Variants in CNTNAP2 observed in about 807,000 individuals in gnomAD.
CNTNAP2 encodes contactin associated protein 2.
Under a neutral mutation model 155.2 loss-of-function variants are expected in CNTNAP2, and 98 were observed. The ratio of observed to expected loss-of-function variants is 0.63; its 90% CI spans 0.54 to 0.75. The LOEUF (loss-of-function observed/expected upper bound fraction) is 0.75. Among genes scored for constraint, CNTNAP2 ranks in the 30% least tolerant of loss-of-function variants. The pLI, the probability that CNTNAP2 is intolerant of heterozygous loss-of-function variation, is 0.00. For synonymous variants in CNTNAP2, 651 were observed against 631.2 expected, an observed-to-expected ratio of 1.03 and a Z score of -0.47; for missense variants, 1,727 against 1,688.1, an observed-to-expected ratio of 1.02 and a Z score of -0.40.
intron 17 of CNTNAP2, among the ~76,000 whole-genome samples, chr7:148,148,277 G>A (rs1805233229): frequency 6.6e-6 from 1 of 152,186 alleles, no homozygotes; most frequent in African/African-American, 2.4e-5. Context: ...AACTACCTAT[G>A]CAAGAAGTGG....
intron 2 of CNTNAP2, among the ~76,000 whole-genome samples, chr7:146,803,583 C>T (rs1479205101): frequency 6.6e-6 from 1 of 152,106 alleles, no homozygotes; most frequent in Non-Finnish European, 1.5e-5. Flanking sequence ...TAACCAGAAG[C>T]GATCTGTGCC....
At chr7:147,859,981 G>A (rs1027491069) in intron 13 of CNTNAP2, among the ~76,000 whole-genome samples, 1 of 152,104 alleles carries the variant, frequency 6.6e-6, no homozygotes, top group Non-Finnish European at 1.5e-5. Flanking sequence ...CGTATGGTTT[G>A]GCTCTGTGTC....
At chr7:147,967,972 G>T (rs1041094110) in intron 14 of CNTNAP2, among the ~76,000 whole-genome samples, 3 of 152,128 alleles carry the variant, frequency 2.0e-5, no homozygotes, top group East Asian at 1.9e-4. Flanking sequence ...TTGTTGTTGG[G>T]TTTTTTTCAT....
rs531565163 is a variant in CNTNAP2, at chr7:146,572,759, T to C, written c.98-201512T>C. 1.8e-3 allele frequency among the ~76,000 whole-genome samples: 250 copies of C among 139,556 alleles called. 1 individual carries two copies. The highest frequency in any genetic ancestry group is 3.4e-3 in the Non-Finnish European group (212 of 62,832). The allele number at this position is 139,556 out of a possible 152,430, so 91.6% of individuals were successfully genotyped here. A position where few individuals can be genotyped will look rare whatever the true frequency, so the allele number is the denominator to read the frequency against. ...ATAAAGGATGGCATGATTTTATGTG[T>C]TGAATTCCCCAAGATATAGTACATT... is the stretch of plus-strand genomic sequence containing the variant. On this transcript the variant is annotated intron_variant, in intron 1 of 23. Coordinates refer to ENST00000361727, the MANE Select transcript of CNTNAP2 (RefSeq NM_014141.6).
intron 21 of CNTNAP2, among the ~76,000 whole-genome samples, chr7:148,352,504 A>G (rs1798444457): frequency 6.6e-6 from 1 of 152,256 alleles, no homozygotes; most frequent in African/African-American, 2.4e-5. Context: ...ACGTGAAACC[A>G]GCCAATGTGA....
chr7:147,451,121 T>C (rs1797825549), intron 10 of CNTNAP2, among the ~76,000 whole-genome samples: 1 of 152,182 alleles, frequency 6.6e-6, no homozygotes, highest in Non-Finnish European at 1.5e-5. Context: ...AGACAGTCAA[T>C]ATACGGGTCC....
chr7:148,136,446 T>C (rs1481622583), intron 16 of CNTNAP2, among the ~76,000 whole-genome samples: 1 of 152,144 alleles, frequency 6.6e-6, no homozygotes. Flanking sequence ...GTGCTGCTGT[T>C]CCTTCACCTT....
chr7:146,223,980 C>T (rs1334508904), intron 1 of CNTNAP2, among the ~76,000 whole-genome samples: 2 of 152,084 alleles, frequency 1.3e-5, no homozygotes, highest in East Asian at 1.9e-4. Context: ...ATTTTCCTTC[C>T]GTTAGCATCA....
chr7:146,549,033 A>G (rs1798074900), intron 1 of CNTNAP2, among the ~76,000 whole-genome samples: 1 of 148,252 alleles, frequency 6.7e-6, no homozygotes, highest in Non-Finnish European at 1.5e-5. Flanking sequence ...TGATTTTTGT[A>G]TGTGTAGTAT....
chr7:146,664,247 C>T (rs927066465), intron 1 of CNTNAP2, among the ~76,000 whole-genome samples: 5 of 150,314 alleles, frequency 3.3e-5, no homozygotes, highest in Admixed American at 6.6e-5. Context: ...CTGCAACCTC[C>T]GCCTCCGGAG....
intron 3 of CNTNAP2, among the ~76,000 whole-genome samples, chr7:147,035,456 A>G (rs1371229409): frequency 1.3e-5 from 2 of 152,242 alleles, no homozygotes; most frequent in South Asian, 2.1e-4. Context: ...TAAAATTTCA[A>G]TTAAAGGGAA....
chr7:146,515,217 C>T (rs1219551211), intron 1 of CNTNAP2, among the ~76,000 whole-genome samples: 3 of 151,870 alleles, frequency 2.0e-5, no homozygotes, highest in Non-Finnish European at 2.9e-5. Flanking sequence ...TTTTTTCCTC[C>T]TACAGGCTTT....
chr7:148,412,309 G>A (rs771471474), intron 23 of CNTNAP2, among the ~76,000 whole-genome samples: 112 of 152,292 alleles, frequency 7.4e-4, no homozygotes, highest in Admixed American at 1.5e-3. Context: ...GCGCGGTGGC[G>A]CACGCCTGTA....
chr7:148,193,440 A>G (rs1046925495), intron 18 of CNTNAP2, among the ~76,000 whole-genome samples: 8 of 152,106 alleles, frequency 5.3e-5, no homozygotes, highest in Non-Finnish European at 1.0e-4. Context: ...ACATTAATAC[A>G]TTTTCTCTTG....
chr7:147,522,787 C>CAA (rs746780496), intron 11 of CNTNAP2, among the ~76,000 whole-genome samples: 2 of 106,238 alleles, frequency 1.9e-5, no homozygotes, highest in African/African-American at 3.2e-5. Context: ...AACAAAAAAA[C>CAA]AAAAAAAAAA....
chr7:148,313,787 A>G (rs948044511), intron 21 of CNTNAP2, among the ~76,000 whole-genome samples: 2 of 152,192 alleles, frequency 1.3e-5, no homozygotes, highest in Admixed American at 6.5e-5. Flanking sequence ...TAAAATGTAT[A>G]TTGAGAATAA....
intron 14 of CNTNAP2, among the ~76,000 whole-genome samples, chr7:147,969,569 T>C (rs1008184212): frequency 6.6e-6 from 1 of 152,154 alleles, no homozygotes; most frequent in South Asian, 2.1e-4. Context: ...TTAACTGGTT[T>C]GTTAAGTGGG....
chr7:146,745,805 G>A lies in CNTNAP2; in HGVS notation c.98-28466G>A, dbSNP rs900404270. ...AAGAGGTCTGTTAAGGGTAACATTT[G>A]CCATTGGTAGATAAGGTTTCCCTTC... On this transcript the variant is annotated intron_variant, in intron 1 of 23. Transcript: ENST00000361727. 4.0e-5 allele frequency among the ~76,000 whole-genome samples: 6 copies of A among 150,182 alleles called. No individual in the cohort carries two copies. The South Asian group carries it at 8.4e-4, about 21-fold the overall frequency.
At chr7:147,386,203 C>G (rs936344835) in intron 9 of CNTNAP2, among the ~76,000 whole-genome samples, 2 of 152,146 alleles carry the variant, frequency 1.3e-5, no homozygotes, top group Non-Finnish European at 2.9e-5. Context: ...ACCTCCAGGC[C>G]TGTGATGGGA....
Sources: gnomAD v4.1 joint callset for allele counts (sites outside exome capture counted in the v4.1 genomes callset) on GRCh38, gnomAD v4.1.1 for gene constraint, MANE v1.5 for transcripts, NCBI Gene and HGNC (gene_info 2026-07-23, HGNC 2026-07-21) for gene names.